CACNA2D3: variants seen among roughly 807,000 people sequenced by gnomAD.
CACNA2D3 encodes the protein calcium voltage-gated channel auxiliary subunit alpha2delta 3.
In CACNA2D3, 60 loss-of-function variants were observed where a neutral mutation model predicts 160.6. That is an observed-to-expected ratio of 0.37 (90% CI 0.30 to 0.46). The LOEUF is 0.46. Ranked by LOEUF, CACNA2D3 falls within the 20% of genes least tolerant of loss-of-function variation. CACNA2D3 has a pLI of 1.00. For missense variants in CACNA2D3, 1,205 were observed against 1,365.0 expected, an observed-to-expected ratio of 0.88 and a Z score of 1.85; for synonymous variants, 558 against 492.9, an observed-to-expected ratio of 1.13 and a Z score of -1.75.
At chr3:55,000,953 T>C (rs376673469) in intron 31 of CACNA2D3, among the ~76,000 whole-genome samples, 8 of 152,310 alleles carry the variant, frequency 5.3e-5, no homozygotes, top group Middle Eastern at 3.4e-3. Flanking sequence ...CTTGGCCCCC[T>C]ACTAAATCTG....
chr3:54,388,767 G>A (rs1049576847), intron 4 of CACNA2D3, among the ~76,000 whole-genome samples: 8 of 152,186 alleles, frequency 5.3e-5, no homozygotes, highest in African/African-American at 1.4e-4. Flanking sequence ...TGTAGAGTGG[G>A]CCAGAAGGGA....
chr3:54,820,669 A>G (rs1025735368), intron 14 of CACNA2D3, among the ~76,000 whole-genome samples: 1 of 152,188 alleles, frequency 6.6e-6, no homozygotes, highest in Non-Finnish European at 1.5e-5. Context: ...CTGGGTGGAA[A>G]TTGGACCAGT....
chr3:54,754,277 C>T (rs368911424), intron 12 of CACNA2D3, among the ~76,000 whole-genome samples: 1 of 152,182 alleles, frequency 6.6e-6, no homozygotes, highest in East Asian at 1.9e-4. Flanking sequence ...GTCCAGACTC[C>T]TTGTATCCAA....
chr3:54,263,727 C>T (rs913554334), intron 2 of CACNA2D3, among the ~76,000 whole-genome samples: 1 of 152,140 alleles, frequency 6.6e-6, no homozygotes, highest in African/African-American at 2.4e-5. Flanking sequence ...GGATTCTGCG[C>T]TAGACCCCGG....
intron 11 of CACNA2D3, among the ~76,000 whole-genome samples, chr3:54,644,706 G>A (rs143350225): frequency 1.6e-4 from 25 of 152,164 alleles, no homozygotes; most frequent in Non-Finnish European, 3.1e-4. Context: ...AGTGAGCTTC[G>A]GGATCACCCG....
chr3:54,801,014 T>G (rs1234046120), intron 13 of CACNA2D3, among the ~76,000 whole-genome samples: 2 of 149,690 alleles, frequency 1.3e-5, no homozygotes. Flanking sequence ...TTAGACAGAG[T>G]CTTACTCTGT....
intron 2 of CACNA2D3, among the ~76,000 whole-genome samples, chr3:54,264,408 G>T (rs1702464553): frequency 6.6e-6 from 1 of 152,204 alleles, no homozygotes; most frequent in Non-Finnish European, 1.5e-5. Context: ...AGAAGGAAGT[G>T]TAAGTCTCTC....
intron 3 of CACNA2D3, among the ~76,000 whole-genome samples, chr3:54,371,726 G>C (rs1282860433): frequency 6.6e-6 from 1 of 152,146 alleles, no homozygotes; most frequent in Non-Finnish European, 1.5e-5. Context: ...AGAAAACTTT[G>C]TGGTCATCAA....
At chr3:54,612,080 G>A (rs1698759630) in intron 9 of CACNA2D3, among the ~76,000 whole-genome samples, 1 of 152,296 alleles carries the variant, frequency 6.6e-6, no homozygotes, top group South Asian at 2.1e-4. Flanking sequence ...GCTGTCCCAG[G>A]GTTGGTTTCC....
intron 10 of CACNA2D3, among the ~76,000 whole-genome samples, chr3:54,636,888 C>T (rs1336605469): frequency 6.6e-6 from 1 of 151,858 alleles, no homozygotes; most frequent in Non-Finnish European, 1.5e-5. Context: ...ATTTGCTGAG[C>T]CTAATCAGTG....
intron 9 of CACNA2D3, among the ~76,000 whole-genome samples, chr3:54,624,853 T>C (rs1447218839): frequency 2.6e-5 from 4 of 152,174 alleles, no homozygotes; most frequent in African/African-American, 9.7e-5. Context: ...GGGACCACCA[T>C]GTGTTGACAC....
chr3:54,756,989 A>T (rs925184888), intron 12 of CACNA2D3, among the ~76,000 whole-genome samples: 2 of 152,164 alleles, frequency 1.3e-5, no homozygotes, highest in African/African-American at 2.4e-5. Flanking sequence ...ACATTAAAAC[A>T]ATCATTACCA....
At chr3:54,890,449 TA>T (rs1350718799) in intron 24 of CACNA2D3, among the ~76,000 whole-genome samples, 2 of 131,154 alleles carry the variant, frequency 1.5e-5, no homozygotes, top group Non-Finnish European at 3.0e-5. Context: ...TGAGCCGAGA[TA>T]GCGCCATTGC....
intron 14 of CACNA2D3, among the ~76,000 whole-genome samples, chr3:54,834,940 T>C (rs1698641489): frequency 6.6e-6 from 1 of 152,238 alleles, no homozygotes; most frequent in Non-Finnish European, 1.5e-5. Context: ...AGGCCTTCAA[T>C]GGATTGGATG....
chr3:55,004,711 G>T (rs1703052532), intron 31 of CACNA2D3, 52 bp from the exon 32 acceptor site: 1 of 1,230,036 alleles, frequency 8.1e-7, no homozygotes, highest in Non-Finnish European at 1.2e-6. Flanking sequence ...AGCATCAATT[G>T]GTTCCCGTGT....
In CACNA2D3 at chr3:54,514,749, G is replaced by A. The variant is rs1290042543; in HGVS notation, c.544+11095G>A. On this transcript the variant is annotated intron_variant, in intron 5 of 37. Transcript: ENST00000474759. ...CCCGCTGCCATCTGAAGGATGGGTAGGAAATAATTTAGCCAGGGGCTGGGG... is the reference window on the plus strand; with the variant it reads ...CCCGCTGCCATCTGAAGGATGGGTAAGAAATAATTTAGCCAGGGGCTGGGG... 3.9e-5 allele frequency among the ~76,000 whole-genome samples: 6 copies of A among 152,302 alleles called. No homozygotes were observed. The South Asian group carries it at 8.3e-4, about 21-fold the overall frequency.
chr3:55,069,478 G>C (rs974072756), intron 35 of CACNA2D3, among the ~76,000 whole-genome samples: 5 of 151,806 alleles, frequency 3.3e-5, no homozygotes, highest in African/African-American at 1.2e-4. Flanking sequence ...TTATTCTTGG[G>C]CCTTTTATAC....
chr3:54,223,536 T>A (rs1399020430), intron 2 of CACNA2D3, among the ~76,000 whole-genome samples: 1 of 152,076 alleles, frequency 6.6e-6, no homozygotes, highest in Non-Finnish European at 1.5e-5. Context: ...ACTGTAGACT[T>A]TATAAATACT....
chr3:55,062,104 T>C (rs992889238), intron 35 of CACNA2D3, among the ~76,000 whole-genome samples: 6 of 152,258 alleles, frequency 3.9e-5, no homozygotes, highest in African/African-American at 1.4e-4. Flanking sequence ...TTGAATTATA[T>C]TTTTATCTTT....
Sources: allele counts gnomAD v4.1 joint callset (sites outside exome capture counted in the v4.1 genomes callset), GRCh38; gene constraint gnomAD v4.1.1; transcripts MANE v1.5; gene names NCBI Gene and HGNC (gene_info 2026-07-23, HGNC 2026-07-21).